INPP4A: variants seen among roughly 807,000 people sequenced by gnomAD.
The protein encoded by INPP4A is inositol polyphosphate-4-phosphatase, type I, 107kD.
In INPP4A, 33 loss-of-function variants were observed where a neutral mutation model predicts 119.8. That is an observed-to-expected ratio of 0.28 (90% confidence interval 0.21 to 0.37). The LOEUF is 0.37. Ranked by LOEUF, INPP4A falls within the 10% of genes least tolerant of loss-of-function variation. The pLI, the probability that INPP4A is intolerant of heterozygous loss-of-function variation, is 1.00. For missense variants in INPP4A, 956 were observed against 1,289.9 expected (o/e 0.74, Z 3.97); for synonymous variants, 496 against 500.7 (o/e 0.99, Z 0.12).
chr2:98,485,976 TG>T (rs1679458216), intron 1 of INPP4A, among the ~76,000 whole-genome samples: 1 of 152,170 alleles, frequency 6.6e-6, no homozygotes, highest in Non-Finnish European at 1.5e-5. Context: ...GGCCTCCAGA[TG>T]AAAAGGTTAA....
At chr2:98,561,812 G>C (rs535589812) in intron 17 of INPP4A, among the ~76,000 whole-genome samples, 1 of 152,214 alleles carries the variant, frequency 6.6e-6, no homozygotes, top group Non-Finnish European at 1.5e-5. Context: ...CTTAGAGAAG[G>C]ATAGTCTTAA....
intron 4 of INPP4A, among the ~76,000 whole-genome samples, chr2:98,525,874 T>G (rs1688094733): frequency 6.6e-6 from 1 of 152,200 alleles, no homozygotes; most frequent in Non-Finnish European, 1.5e-5. Flanking sequence ...CTTTTGTATA[T>G]TGCTGGTGGG....
At chr2:98,498,082 G>A (rs1682391993) in intron 1 of INPP4A, among the ~76,000 whole-genome samples, 1 of 152,144 alleles carries the variant, frequency 6.6e-6, no homozygotes, top group Non-Finnish European at 1.5e-5. Context: ...GGGGACTGTT[G>A]GGAAGGCATG....
intron 1 of INPP4A, among the ~76,000 whole-genome samples, chr2:98,493,445 G>A (rs945444938): frequency 2.4e-5 from 1 of 42,468 alleles, no homozygotes; most frequent in Non-Finnish European, 5.3e-5. Context: ...TTTTTTTTTT[G>A]AGACAGGGTT....
intron 1 of INPP4A, among the ~76,000 whole-genome samples, chr2:98,467,749 G>A (rs1367775263): frequency 6.6e-6 from 1 of 152,002 alleles, no homozygotes; most frequent in Non-Finnish European, 1.5e-5. Context: ...CCATAATAAC[G>A]TTTTTCTGAT....
At chr2:98,494,484 G>A (rs1196118989) in intron 1 of INPP4A, among the ~76,000 whole-genome samples, 2 of 152,120 alleles carry the variant, frequency 1.3e-5, no homozygotes, top group East Asian at 3.9e-4. Context: ...CACAGTCTGT[G>A]CGCCCAGCTC....
intron 1 of INPP4A, among the ~76,000 whole-genome samples, chr2:98,478,964 C>G (rs746509106): frequency 2.0e-5 from 3 of 152,114 alleles, no homozygotes; most frequent in Non-Finnish European, 4.4e-5. Context: ...ATAGCTACTC[C>G]AACTTGAATG....
chr2:98,586,087 C>T (rs777423275), intron 24 of INPP4A, among the ~76,000 whole-genome samples: 1 of 151,904 alleles, frequency 6.6e-6, no homozygotes, highest in Non-Finnish European at 1.5e-5. Flanking sequence ...TTGTTACTTA[C>T]TCCAGGGGGC....
rs1162320917 is a variant in INPP4A, at chr2:98,592,541, A to C, written c.*4933A>C. ...TAGGAAGTAATCAAATTTACAGTGG[A>C]TAAAATCCAGTATTTGAAATCAGGA... On this transcript the variant is annotated 3_prime_UTR_variant, in exon 25 of 25. Coordinates refer to ENST00000409851, the MANE Select transcript of INPP4A (RefSeq NM_001134225.2). 1 of 152,244 alleles carries C rather than the reference A, an allele frequency of 6.6e-6. No homozygotes were observed. Among genetic ancestry groups the C allele is most frequent in the African/African-American group, 2.4e-5 (1 of 41,456 alleles). The allele number at this position is 152,244 out of a possible 1,614,324, so 9.4% of individuals were successfully genotyped here.
chr2:98,452,743 C>T (rs1276934672), intron 1 of INPP4A, among the ~76,000 whole-genome samples: 3 of 152,186 alleles, frequency 2.0e-5, no homozygotes, highest in African/African-American at 7.2e-5. Context: ...TCTCCCTGTA[C>T]AGCTCGGTGC....
rs141566925 is a variant in INPP4A at position 98,553,569 on chromosome 2, G to A, written c.1347+600G>A. On this transcript the variant is annotated intron_variant, in intron 14 of 24. Coordinates refer to ENST00000409851, the MANE Select transcript of INPP4A (RefSeq NM_001134225.2). ...AACACGCTCTCATACACACACACAC[G>A]CTCTCATACACACACACACACCCCA... Among the ~76,000 whole-genome samples the A allele has an allele frequency of 1.1e-3, 159 of 150,980 alleles. 1 individual carries two copies. The highest frequency in any genetic ancestry group is 3.7e-3 in the African/African-American group (151 of 40,698).
intron 1 of INPP4A, among the ~76,000 whole-genome samples, chr2:98,458,756 T>C (rs1439695338): frequency 6.6e-6 from 1 of 152,206 alleles, no homozygotes; most frequent in Non-Finnish European, 1.5e-5. Context: ...CCCCTAAGTA[T>C]GCAGCATGTA....
At chr2:98,520,624 T>A in intron 3 of INPP4A, 63 bp from the exon 4 acceptor site, 1 of 1,050,048 alleles carries the variant, frequency 9.5e-7, no homozygotes, top group South Asian at 1.5e-5. Flanking sequence ...ATTTGTGCAT[T>A]TAATCTGAAA....
intron 16 of INPP4A, 75 bp from the exon 17 acceptor site, chr2:98,559,388 C>T: frequency 6.5e-7 from 1 of 1,545,428 alleles, no homozygotes; most frequent in Non-Finnish European, 8.9e-7. Flanking sequence ...GCAGCTGCTG[C>T]TCTGAGATTG....
intron 14 of INPP4A, 74 bp downstream of exon 14, chr2:98,553,043 T>C (rs972033455): frequency 2.6e-4 from 316 of 1,234,446 alleles, no homozygotes; most frequent in Non-Finnish European, 3.2e-4. Flanking sequence ...GCAGCCCAGG[T>C]GTACCTAAGA....
Position 98,542,755 on chromosome 2 carries a change from GT to G in INPP4A, c.819-1111del, listed in dbSNP as rs981861604. Reference sequence around the variant, plus strand: ...AATTTATATTTCAGTTCTTATACAGGTTTTTTTTTTTGGAGATAACAATTCC... The same window carrying G: ...AATTTATATTTCAGTTCTTATACAGGTTTTTTTTTTGGAGATAACAATTCC... On this transcript the variant is annotated intron_variant, in intron 10 of 24. Coordinates refer to ENST00000409851, the MANE Select transcript of INPP4A (RefSeq NM_001134225.2). Among the ~76,000 whole-genome samples, 819 of 145,708 alleles carry G rather than the reference GT, an allele frequency of 5.6e-3. 6 individuals are homozygous for G. Among genetic ancestry groups the G allele is most frequent in the African/African-American group, 0.018 (703 of 40,036 alleles).
intron 13 of INPP4A, among the ~76,000 whole-genome samples, chr2:98,550,680 T>C (rs1693348183): frequency 6.6e-6 from 1 of 152,232 alleles, no homozygotes; most frequent in African/African-American, 2.4e-5. Context: ...CACACATGCT[T>C]GTATTTTCCT....
intron 22 of INPP4A, among the ~76,000 whole-genome samples, chr2:98,571,519 G>T (rs1197582539): frequency 2.6e-5 from 4 of 152,258 alleles, no homozygotes; most frequent in Non-Finnish European, 4.4e-5. Context: ...AGGGCTCGGG[G>T]AGCTGTTACA....
chr2:98,547,435 G>A (rs1246984352), intron 13 of INPP4A, among the ~76,000 whole-genome samples: 1 of 152,174 alleles, frequency 6.6e-6, no homozygotes, highest in African/African-American at 2.4e-5. Flanking sequence ...CCAGCCCCCA[G>A]GGGTGGGAGG....
Sources: allele counts gnomAD v4.1 joint callset (sites outside exome capture counted in the v4.1 genomes callset), GRCh38; gene constraint gnomAD v4.1.1; transcripts MANE v1.5; gene names NCBI Gene and HGNC (gene_info 2026-07-23, HGNC 2026-07-21).